The following CA10 variants were observed in gnomAD, a reference collection of about 807,000 sequenced individuals.
CA10 encodes the protein carbonic anhydrase 10 (inactive).
Under a neutral mutation model 44.2 loss-of-function variants are expected in CA10, and 14 were observed. The observed-to-expected ratio is 0.32, with a 90% CI of 0.21 to 0.50. The LOEUF is 0.50. CA10 is among the 20% of genes least tolerant of loss of function. CA10 has a pLI of 0.99. For synonymous variants in CA10, 159 were observed against 141.6 expected, an observed-to-expected ratio of 1.12 and a Z score of -0.87; for missense variants, 350 against 409.7, an observed-to-expected ratio of 0.85 and a Z score of 1.26.
At chr17:51,837,944 C>CA (rs1176251959) in intron 3 of CA10, among the ~76,000 whole-genome samples, 2 of 152,186 alleles carry the variant, frequency 1.3e-5, no homozygotes, top group Non-Finnish European at 2.9e-5. Flanking sequence ...TTTGTACATT[C>CA]TCAGACTCTG....
At chr17:51,644,058 CT>C (rs1431894146) in intron 6 of CA10, among the ~76,000 whole-genome samples, 1 of 152,176 alleles carries the variant, frequency 6.6e-6, no homozygotes, top group African/African-American at 2.4e-5. Context: ...GGCATTTAGC[CT>C]CCAAAATTCC....
chr17:51,675,271 A>C (rs1914580208), intron 4 of CA10, among the ~76,000 whole-genome samples: 1 of 152,118 alleles, frequency 6.6e-6, no homozygotes, highest in Non-Finnish European at 1.5e-5. Flanking sequence ...TAAAATTCCC[A>C]GTTCTCAGTC....
chr17:51,840,872 CAG>C (rs1978313668), intron 3 of CA10, among the ~76,000 whole-genome samples: 1 of 152,168 alleles, frequency 6.6e-6, no homozygotes, highest in African/African-American at 2.4e-5. Flanking sequence ...AAAGCAGTAA[CAG>C]AGGCAGACTT....
At chr17:51,726,146 T>A (rs1166365511) in intron 4 of CA10, among the ~76,000 whole-genome samples, 1 of 152,222 alleles carries the variant, frequency 6.6e-6, no homozygotes, top group East Asian at 1.9e-4. Flanking sequence ...AAGGCCTGGA[T>A]AAACGTGGTT....
chr17:52,004,247 T>C (rs1770400875), intron 2 of CA10, among the ~76,000 whole-genome samples: 1 of 151,980 alleles, frequency 6.6e-6, no homozygotes, highest in Non-Finnish European at 1.5e-5. Context: ...TATGTTACCC[T>C]TTAGCAGTCA....
At chr17:51,642,054 A>C (rs1158265991) in intron 6 of CA10, among the ~76,000 whole-genome samples, 1 of 152,244 alleles carries the variant, frequency 6.6e-6, no homozygotes, top group Non-Finnish European at 1.5e-5. Context: ...GAAATGAAAA[A>C]AGGCAATTAC....
At chr17:51,831,686 A>AGCG (rs1567854544) in intron 3 of CA10, among the ~76,000 whole-genome samples, 11 of 75,964 alleles carry the variant, frequency 1.4e-4, no homozygotes, top group Non-Finnish European at 2.2e-4. Context: ...CAGCAGCAGC[A>AGCG]GCAGCAGCAG....
chr17:51,904,776 A>T (rs1981470878), intron 3 of CA10, among the ~76,000 whole-genome samples: 1 of 152,110 alleles, frequency 6.6e-6, no homozygotes, highest in Admixed American at 6.6e-5. Flanking sequence ...CCTCTATCCT[A>T]CGCTGCTTCT....
intron 2 of CA10, among the ~76,000 whole-genome samples, chr17:52,006,222 C>G (rs1416009834): frequency 1.3e-5 from 2 of 151,760 alleles, no homozygotes; most frequent in Non-Finnish European, 2.9e-5. Context: ...GAAGTATGAA[C>G]TCATGATGGG....
intron 3 of CA10, among the ~76,000 whole-genome samples, chr17:51,827,245 C>G (rs1390863070): frequency 1.3e-5 from 2 of 152,042 alleles, no homozygotes; most frequent in African/African-American, 4.8e-5. Flanking sequence ...TATATCACTA[C>G]CACCCCCTTT....
intron 4 of CA10, among the ~76,000 whole-genome samples, chr17:51,685,070 A>T (rs1255731393): frequency 1.3e-5 from 2 of 152,228 alleles, no homozygotes; most frequent in Non-Finnish European, 2.9e-5. Flanking sequence ...TTTACCAGAT[A>T]TAGCCATCTG....
intron 4 of CA10, among the ~76,000 whole-genome samples, chr17:51,717,670 T>TATATATGCAC (rs1916173006): frequency 1.1e-5 from 1 of 90,138 alleles, no homozygotes; most frequent in Non-Finnish European, 2.2e-5. Flanking sequence ...TATATACATG[T>TATATATGCAC]ATATATGTAT....
intron 3 of CA10, among the ~76,000 whole-genome samples, chr17:51,881,384 A>T (rs1436360391): frequency 1.3e-5 from 2 of 152,254 alleles, no homozygotes; most frequent in Admixed American, 6.5e-5. Context: ...AGAAGGATTT[A>T]TCAATAAAGG....
intron 4 of CA10, among the ~76,000 whole-genome samples, chr17:51,714,119 G>A (rs973947633): frequency 7.9e-5 from 12 of 152,142 alleles, no homozygotes; most frequent in Non-Finnish European, 1.8e-4. Flanking sequence ...GCTGGTATAA[G>A]CACTGACACC....
At chr17:51,752,200 G>A (rs1904916139) in intron 3 of CA10, among the ~76,000 whole-genome samples, 1 of 151,632 alleles carries the variant, frequency 6.6e-6, no homozygotes, top group Non-Finnish European at 1.5e-5. Flanking sequence ...ATAAAGGCTT[G>A]ACAACGTTAT....
intron 1 of CA10, among the ~76,000 whole-genome samples, chr17:52,102,270 T>C (rs1270322916): frequency 2.6e-5 from 4 of 152,324 alleles, no homozygotes; most frequent in African/African-American, 9.6e-5. Context: ...TTGTGGAACA[T>C]CTTTGTTTAC....
At position 52,065,836 on chromosome 17, in the gene CA10, T is replaced by C. The variant is rs576931663; in HGVS notation, c.136+6483A>G. ...CTGTGCCCCCAGCCAAATCTCATCT[T>C]GAATTGTAGTTCACATAATCCCCAT... On this transcript the variant is annotated intron_variant, in intron 2 of 8. Coordinates refer to ENST00000451037, the MANE Select transcript of CA10 (RefSeq NM_020178.5). Among the ~76,000 whole-genome samples, 3 of 152,300 alleles carry C rather than the reference T, an allele frequency of 2.0e-5. No individual in the cohort carries two copies. The South Asian group carries it at 6.2e-4, about 32-fold the overall frequency.
At chr17:51,891,187 C>T (rs898144776) in intron 3 of CA10, among the ~76,000 whole-genome samples, 21 of 152,024 alleles carry the variant, frequency 1.4e-4, no homozygotes, top group Admixed American at 9.2e-4. Flanking sequence ...ATCCACCGGG[C>T]CAAGGTGCCA....
chr17:51,909,146 C>T (rs1021693721), intron 3 of CA10, among the ~76,000 whole-genome samples: 12 of 152,080 alleles, frequency 7.9e-5, no homozygotes, highest in African/African-American at 7.2e-5. Flanking sequence ...GGCACTTCCT[C>T]GTCACAGGTG....
Sources: allele counts gnomAD v4.1 joint callset (sites outside exome capture counted in the v4.1 genomes callset), GRCh38; gene constraint gnomAD v4.1.1; transcripts MANE v1.5; gene names NCBI Gene and HGNC (gene_info 2026-07-23, HGNC 2026-07-21).